CSDC2: variants seen among roughly 807,000 people sequenced by gnomAD.
CSDC2 encodes the protein cold shock domain containing C2.
In CSDC2, 8 loss-of-function variants were observed where a neutral mutation model predicts 15.8. That is an observed-to-expected ratio of 0.51 (90% CI 0.30 to 0.92). The LOEUF (loss-of-function observed/expected upper bound fraction) is 0.92. Among genes scored for constraint, CSDC2 ranks in the 40% least tolerant of loss-of-function variants. The pLI is 0.07. For missense variants in CSDC2, 195 were observed against 213.3 expected (o/e 0.91, Z 0.53); for synonymous variants, 96 against 92.3 (o/e 1.04, Z -0.23).
intron 1 of CSDC2, among the ~76,000 whole-genome samples, chr22:41,565,456 A>G (rs1285754291): frequency 6.6e-6 from 1 of 150,942 alleles, no homozygotes; most frequent in Non-Finnish European, 1.5e-5. Context: ...TCTCAAAAAA[A>G]AAAAAAAAAA....
chr22:41,565,203 G>A (rs1362859920), intron 1 of CSDC2, among the ~76,000 whole-genome samples: 1 of 151,154 alleles, frequency 6.6e-6, no homozygotes, highest in Non-Finnish European at 1.5e-5. Context: ...TTTAATCCCA[G>A]CACTTTGGGA....
In CSDC2 at chr22:41,561,167, C is replaced by T. The variant is rs941168632; in HGVS notation, c.-140C>T. The stretch of plus-strand genomic sequence containing the variant: ...CGCCGCAGGAGGCAGTGCCTGGACC[C>T]CAGCTGCCCAGGAGAGGTGAGGGGC... On this transcript the variant is annotated 5_prime_UTR_variant, in exon 1 of 4. Transcript: ENST00000306149. 7.1e-4 allele frequency: 109 copies of T among 152,848 alleles called. No individual in the cohort carries two copies. Among genetic ancestry groups the T allele is most frequent in the African/African-American group, 2.4e-3 (100 of 41,586 alleles). 9.5% of individuals were successfully genotyped at this position (152,848 alleles called of 1,614,324 possible). A position where few individuals can be genotyped will look rare whatever the true frequency, so the allele number is the denominator to read the frequency against.
In CSDC2 at chr22:41,572,006, T is replaced by C; in HGVS notation, c.41T>C (p.Leu14Pro). The change falls in exon 2 of 4, where the codon CTC (leucine) becomes CCC (proline). Residue 14 changes from leucine (L) to proline (P), a missense_variant. Physicochemically the swap from Leu to Pro is moderately conservative, Grantham distance 98. Transcript: ENST00000306149. ...ESTSPPVVPP[L>P]HSPKSPVWPT... ...ACGTCACCCCCAGTTGTGCCCCCGC[T>C]CCACTCCCCCAAGTCCCCAGTCTGG... is the stretch of plus-strand genomic sequence containing the variant. 1 of 1,353,234 alleles carries C rather than the reference T, an allele frequency of 7.4e-7. No homozygotes were observed. The highest frequency in any genetic ancestry group is 2.0e-5 in the South Asian group (1 of 49,364). 83.8% of individuals were successfully genotyped at this position (1,353,234 alleles called of 1,614,324 possible). A position where few individuals can be genotyped will look rare whatever the true frequency, so the allele number is the denominator to read the frequency against.
At chr22:41,571,171 G>C (rs768434439) in intron 1 of CSDC2, among the ~76,000 whole-genome samples, 5 of 151,920 alleles carry the variant, frequency 3.3e-5, no homozygotes, top group Admixed American at 1.3e-4. Flanking sequence ...TGGCCAACAT[G>C]GTGAGACCCC....
At chr22:41,563,163 C>G (rs1189137509) in intron 1 of CSDC2, among the ~76,000 whole-genome samples, 1 of 152,138 alleles carries the variant, frequency 6.6e-6, no homozygotes, top group Non-Finnish European at 1.5e-5. Context: ...TGGGGCAGCC[C>G]TCATGCACAG....
intron 3 of CSDC2, 21 bp downstream of exon 3, chr22:41,573,798 T>C: frequency 6.2e-7 from 1 of 1,603,928 alleles, no homozygotes; most frequent in Non-Finnish European, 8.5e-7. Context: ...TCCACCTCCC[T>C]GTTCTTGGCC....
At chr22:41,572,641 A>G (rs1376721463) in intron 2 of CSDC2, among the ~76,000 whole-genome samples, 1 of 152,110 alleles carries the variant, frequency 6.6e-6, no homozygotes, top group East Asian at 1.9e-4. Context: ...GTTAGGGGTG[A>G]GGACCCAGCA....
chr22:41,572,473 C>T (rs1386603910), intron 2 of CSDC2, among the ~76,000 whole-genome samples: 1 of 150,178 alleles, frequency 6.7e-6, no homozygotes, highest in East Asian at 2.0e-4. Context: ...CCCACCCATC[C>T]ATCCGTCCAT....
In CSDC2 at chr22:41,574,882, T is replaced by G; in HGVS notation, c.449T>G (p.Val150Gly). The change falls in exon 4 of 4, where the codon GTC becomes GGC. Residue 150 changes from valine to glycine, a missense_variant. By Grantham distance (109) the Val-to-Gly change is moderately radical. Transcript: ENST00000306149. ...HTPHETWSGQVVGS is the reference protein window; with the variant it reads ...HTPHETWSGQGVGS Reference sequence around the variant, plus strand: ...CCCCACGAGACGTGGTCTGGCCAGGTCGTGGGCTCCTAGGCTGAGTGGTTC... The same window carrying G: ...CCCCACGAGACGTGGTCTGGCCAGGGCGTGGGCTCCTAGGCTGAGTGGTTC... The G allele has an allele frequency of 1.9e-6, 3 of 1,596,790 alleles. No homozygotes were observed. The highest frequency in any genetic ancestry group is 2.6e-6 in the Non-Finnish European group (3 of 1,172,080).
rs2067126199 is a variant in CSDC2 at position 41,568,142 on chromosome 22, T to TTTTTTTTTTTTTTTA, written c.-123-3701_-123-3700insTTTTTTTTTTTTTTA. On this transcript the variant is annotated intron_variant, in intron 1 of 3. Coordinates refer to ENST00000306149, the MANE Select transcript of CSDC2 (RefSeq NM_014460.4). ...TTTTTCTCTCTCCCTCTCTTTTTTT[T>TTTTTTTTTTTTTTTA]GAGACTGGGTCTTGCTCTGTCGCCC... 4.7e-5 allele frequency among the ~76,000 whole-genome samples: 7 copies of TTTTTTTTTTTTTTTA among 148,568 alleles called. 1 individual carries two copies. Among genetic ancestry groups the TTTTTTTTTTTTTTTA allele is most frequent in the East Asian group, 4.0e-4 (2 of 5,018 alleles).
At chr22:41,566,441 TAAAA>T (rs754976750) in intron 1 of CSDC2, among the ~76,000 whole-genome samples, 1 of 45,802 alleles carries the variant, frequency 2.2e-5, no homozygotes, top group Non-Finnish European at 3.9e-5. Flanking sequence ...AGACTCCATC[TAAAA>T]AAAAAAAAAA....
intron 2 of CSDC2, among the ~76,000 whole-genome samples, chr22:41,572,567 C>T (rs2067153461): frequency 6.6e-6 from 1 of 152,092 alleles, no homozygotes; most frequent in African/African-American, 2.4e-5. Context: ...CCTGACCAGT[C>T]AGGATCCATA....
chr22:41,571,824 CTCTT>C lies in CSDC2; in HGVS notation c.-123-14_-123-11del. 1 of 477,972 alleles carries C rather than the reference CTCTT, an allele frequency of 2.1e-6. No individual in the cohort carries two copies. The highest frequency in any genetic ancestry group is 3.5e-6 in the Non-Finnish European group (1 of 287,556). The allele number at this position is 477,972 out of a possible 1,614,324, so 29.6% of individuals were successfully genotyped here. A position where few individuals can be genotyped will look rare whatever the true frequency, so the allele number is the denominator to read the frequency against. ...TCCCCTGGACTAGGCTCACCTGTGC[CTCTT>C]TCTTCCTCTTCCAGACGGAGCCCGT... On this transcript the variant is annotated splice_polypyrimidine_tract_variant and intron_variant, in intron 1 of 3. Transcript: ENST00000306149.
intron 1 of CSDC2, among the ~76,000 whole-genome samples, chr22:41,564,807 C>G (rs1271080300): frequency 6.6e-6 from 1 of 152,356 alleles, no homozygotes; most frequent in South Asian, 2.1e-4. Flanking sequence ...CCAGGTCACA[C>G]AGCACTGGGT....
At chr22:41,569,970 G>A (rs1017495673) in intron 1 of CSDC2, among the ~76,000 whole-genome samples, 2 of 151,778 alleles carry the variant, frequency 1.3e-5, no homozygotes, top group Non-Finnish European at 2.9e-5. Context: ...AGGAGAGACG[G>A]GGTTTCACCA....
chr22:41,566,008 CA>C (rs1289755735), intron 1 of CSDC2, among the ~76,000 whole-genome samples: 2 of 152,014 alleles, frequency 1.3e-5, no homozygotes, highest in African/African-American at 4.8e-5. Flanking sequence ...ATCTGAGGCA[CA>C]AAAAGGGAGA....
chr22:41,572,068 T>C lies in CSDC2; in HGVS notation c.103T>C (p.Trp35Arg). Residue 35 changes from tryptophan to arginine, a missense_variant, in exon 2 of 4, where the codon TGG becomes CGG. By Grantham distance (101) the Trp-to-Arg change is moderately radical. Transcript: ENST00000306149. ...CTTCCACAGGGAGGGCAGCAGGGTC[T>C]GGGAGCGGGGTGGTGTCCCACCTCG... ...FPFHREGSRVWERGGVPPRDL... is the reference protein window; with the variant it reads ...FPFHREGSRVRERGGVPPRDL... The C allele has an allele frequency of 7.3e-7, 1 of 1,364,412 alleles. No homozygotes were observed. Among genetic ancestry groups the C allele is most frequent in the Non-Finnish European group, 9.5e-7 (1 of 1,055,306 alleles). 84.5% of individuals were successfully genotyped at this position (1,364,412 alleles called of 1,614,324 possible). A position where few individuals can be genotyped will look rare whatever the true frequency, so the allele number is the denominator to read the frequency against.
intron 1 of CSDC2, among the ~76,000 whole-genome samples, chr22:41,566,084 C>A (rs1476103138): frequency 6.7e-6 from 1 of 149,302 alleles, no homozygotes; most frequent in East Asian, 2.0e-4. Flanking sequence ...GCGGGTGGAT[C>A]ACCTGCAGTC....
At chr22:41,567,329 C>G (rs2067121365) in intron 1 of CSDC2, among the ~76,000 whole-genome samples, 1 of 152,210 alleles carries the variant, frequency 6.6e-6, no homozygotes, top group South Asian at 2.1e-4. Flanking sequence ...GCAAGTCACT[C>G]AACCTCTCTG....
Sources: gnomAD v4.1 joint callset for allele counts (sites outside exome capture counted in the v4.1 genomes callset) on GRCh38, gnomAD v4.1.1 for gene constraint, MANE v1.5 for transcripts, NCBI Gene and HGNC (gene_info 2026-07-23, HGNC 2026-07-21) for gene names.